Variants in ZC2HC1A observed in about 807,000 individuals in gnomAD.
The protein encoded by ZC2HC1A is zinc finger C2HC-type containing 1A.
A neutral mutation model predicts 40.7 loss-of-function variants in ZC2HC1A; 28 were observed. The observed-to-expected ratio is 0.69, with a 90% confidence interval of 0.51 to 0.94. ZC2HC1A has a LOEUF of 0.94. ZC2HC1A is among the 40% of genes least tolerant of loss of function. The pLI is 0.00. For synonymous variants in ZC2HC1A, 129 were observed against 129.2 expected (o/e 1.00, Z 0.01); for missense variants, 389 against 386.3 (o/e 1.01, Z -0.06).
At chr8:78,683,403 C>A (rs758444837) in intron 3 of ZC2HC1A, among the ~76,000 whole-genome samples, 2 of 152,216 alleles carry the variant, frequency 1.3e-5, no homozygotes, top group African/African-American at 4.8e-5. Context: ...TTTCTGTGCA[C>A]CTGTGGGCTC....
intron 7 of ZC2HC1A, among the ~76,000 whole-genome samples, chr8:78,701,430 C>A (rs986929910): frequency 2.0e-5 from 3 of 152,182 alleles, no homozygotes; most frequent in African/African-American, 7.2e-5. Flanking sequence ...ATGATCATGT[C>A]ATCTGCCAGC....
At chr8:78,677,157 A>G (rs1385978552) in intron 2 of ZC2HC1A, among the ~76,000 whole-genome samples, 2 of 152,148 alleles carry the variant, frequency 1.3e-5, no homozygotes, top group Non-Finnish European at 2.9e-5. Context: ...AAAGTTTGAC[A>G]GTTCTACCTT....
chr8:78,686,454 T>C lies in ZC2HC1A; in HGVS notation c.211-13T>C. On this transcript the variant is annotated splice_polypyrimidine_tract_variant and intron_variant, in intron 3 of 8. Transcript: ENST00000263849. ...TTGTTTATTTATTTATTTATTTATTTATTTATTTATAGCCAGAACCACCAA... is the reference window on the plus strand; with the variant it reads ...TTGTTTATTTATTTATTTATTTATTCATTTATTTATAGCCAGAACCACCAA... 3 of 1,363,314 alleles carry C rather than the reference T, an allele frequency of 2.2e-6. No individual in the cohort carries two copies. Among genetic ancestry groups the C allele is most frequent in the Non-Finnish European group, 2.9e-6 (3 of 1,046,758 alleles). 84.5% of individuals were successfully genotyped at this position (1,363,314 alleles called of 1,614,324 possible).
chr8:78,702,694 T>G (rs1284597144), intron 7 of ZC2HC1A, among the ~76,000 whole-genome samples: 2 of 152,188 alleles, frequency 1.3e-5, no homozygotes, highest in Non-Finnish European at 2.9e-5. Flanking sequence ...ACTTCCCGAT[T>G]TCTGCGTTAA....
At chr8:78,680,166 A>C (rs1020301559) in intron 3 of ZC2HC1A, among the ~76,000 whole-genome samples, 3 of 152,114 alleles carry the variant, frequency 2.0e-5, no homozygotes, top group Admixed American at 6.6e-5. Context: ...GATTTCAATG[A>C]ATATTAGTCA....
At chr8:78,672,411 G>A (rs552194677) in intron 1 of ZC2HC1A, among the ~76,000 whole-genome samples, 11 of 151,990 alleles carry the variant, frequency 7.2e-5, no homozygotes, top group East Asian at 1.9e-4. Flanking sequence ...TAATACATGC[G>A]GTTTGCATAA....
At chr8:78,717,176 C>A in intron 8 of ZC2HC1A, 152 bp from the exon 9 acceptor site, 1 of 643,324 alleles carries the variant, frequency 1.6e-6, no homozygotes, top group South Asian at 3.2e-5. Context: ...TTAGTATTTA[C>A]TAACAAGGAT....
intron 5 of ZC2HC1A, among the ~76,000 whole-genome samples, chr8:78,696,301 T>C (rs1164397423): frequency 1.3e-5 from 2 of 152,222 alleles, no homozygotes; most frequent in Non-Finnish European, 2.9e-5. Flanking sequence ...TCCAAAGTGC[T>C]GGGATTACAG....
chr8:78,708,200 C>G (rs986429760), intron 7 of ZC2HC1A, among the ~76,000 whole-genome samples: 1 of 152,104 alleles, frequency 6.6e-6, no homozygotes, highest in African/African-American at 2.4e-5. Flanking sequence ...ATTGAGCATT[C>G]GCTGAGATTA....
At chr8:78,686,195 G>T (rs930419866) in intron 3 of ZC2HC1A, among the ~76,000 whole-genome samples, 1 of 152,132 alleles carries the variant, frequency 6.6e-6, no homozygotes, top group African/African-American at 2.4e-5. Flanking sequence ...CACAGCAACA[G>T]TCTTAGTGGG....
intron 1 of ZC2HC1A, among the ~76,000 whole-genome samples, chr8:78,673,969 A>C (rs1352410852): frequency 6.6e-6 from 1 of 152,144 alleles, no homozygotes; most frequent in East Asian, 1.9e-4. Flanking sequence ...TTTTAAAAAA[A>C]CATTTTAAAC....
At chr8:78,673,290 C>A (rs1460754346) in intron 1 of ZC2HC1A, among the ~76,000 whole-genome samples, 1 of 152,082 alleles carries the variant, frequency 6.6e-6, no homozygotes, top group Non-Finnish European at 1.5e-5. Flanking sequence ...AGACATGTGC[C>A]ACATTTTGTT....
At chr8:78,666,686 G>GATGTTAGGA (rs1809309655) in intron 1 of ZC2HC1A, among the ~76,000 whole-genome samples, 1 of 152,182 alleles carries the variant, frequency 6.6e-6, no homozygotes, top group Non-Finnish European at 1.5e-5. Context: ...GGATGTCAGA[G>GATGTTAGGA]CATCTCCTAA....
At chr8:78,690,581 G>A (rs1810178068) in intron 5 of ZC2HC1A, among the ~76,000 whole-genome samples, 1 of 151,448 alleles carries the variant, frequency 6.6e-6, no homozygotes, top group Admixed American at 6.6e-5. Flanking sequence ...AAAAACTTTG[G>A]CCATTCTTGA....
intron 8 of ZC2HC1A, 40 bp downstream of exon 8, chr8:78,715,368 T>A: frequency 6.5e-7 from 1 of 1,543,128 alleles, no homozygotes; most frequent in East Asian, 2.3e-5. Flanking sequence ...AAAATAAAAT[T>A]GAGTATATGA....
At chr8:78,670,573 A>T (rs1449506533) in intron 1 of ZC2HC1A, among the ~76,000 whole-genome samples, 1 of 152,162 alleles carries the variant, frequency 6.6e-6, no homozygotes, top group African/African-American at 2.4e-5. Flanking sequence ...GTAGCAAGGG[A>T]TTCGTGGATA....
chr8:78,714,142 G>A (rs1811027371), intron 7 of ZC2HC1A, among the ~76,000 whole-genome samples: 1 of 152,118 alleles, frequency 6.6e-6, no homozygotes, highest in Non-Finnish European at 1.5e-5. Context: ...TTTGATTAAA[G>A]CTCTATAGAG....
chr8:78,668,819 A>G (rs932784904), intron 1 of ZC2HC1A, among the ~76,000 whole-genome samples: 4 of 152,206 alleles, frequency 2.6e-5, no homozygotes, highest in Admixed American at 6.5e-5. Context: ...GAGAGTTCCA[A>G]TCTCTTATAA....
chr8:78,672,186 T>C (rs1809452174), intron 1 of ZC2HC1A, among the ~76,000 whole-genome samples: 2 of 152,284 alleles, frequency 1.3e-5, no homozygotes, highest in South Asian at 4.1e-4. Flanking sequence ...CCTAAGGTAT[T>C]TATCATGATC....
Sources: allele counts gnomAD v4.1 joint callset (sites outside exome capture counted in the v4.1 genomes callset), GRCh38; gene constraint gnomAD v4.1.1; transcripts MANE v1.5; gene names NCBI Gene and HGNC (gene_info 2026-07-23, HGNC 2026-07-21).